The following CPZ variants were observed in gnomAD, a reference collection of about 807,000 sequenced individuals.
The protein encoded by CPZ is carboxypeptidase Z.
Under a neutral mutation model 61.8 loss-of-function variants are expected in CPZ, and 103 were observed. The ratio of observed to expected loss-of-function variants is 1.67; its 90% confidence interval spans 1.42 to 1.96. The LOEUF (loss-of-function observed/expected upper bound fraction) is 1.96, where lower values mean the gene tolerates loss of function less well. CPZ is among the 30% of genes most tolerant of loss of function. The probability of loss-of-function intolerance (pLI) is 0.00; values close to 1 mark genes in which losing one functional copy is unlikely to be tolerated. For missense variants in CPZ, 1,461 were observed against 914.9 expected, an observed-to-expected ratio of 1.60 and a Z score of -7.70; for synonymous variants, 551 against 373.7, an observed-to-expected ratio of 1.47 and a Z score of -5.47.
intron 7 of CPZ, among the ~76,000 whole-genome samples, chr4:8,608,471 C>A (rs1180312981): frequency 6.6e-6 from 1 of 152,202 alleles, no homozygotes. Flanking sequence ...CCCTGGTTGG[C>A]ACTCAGGTAT....
intron 1 of CPZ, among the ~76,000 whole-genome samples, chr4:8,597,965 C>G (rs1206947299): frequency 6.6e-6 from 1 of 152,192 alleles, no homozygotes; most frequent in Non-Finnish European, 1.5e-5. Context: ...TGGGCATCTT[C>G]CCTGCCTTCC....
intron 2 of CPZ, among the ~76,000 whole-genome samples, chr4:8,600,358 C>T (rs1431265185): frequency 1.3e-5 from 2 of 152,174 alleles, no homozygotes; most frequent in Non-Finnish European, 2.9e-5. Context: ...GGCAAAATGT[C>T]ATGACTTGTC....
At chr4:8,612,186 T>TGGGGTGGGG in intron 8 of CPZ, 24 bp downstream of exon 8, 1 of 179,706 alleles carries the variant, frequency 5.6e-6, no homozygotes, top group Non-Finnish European at 7.5e-6. Context: ...AGGGCGGGAC[T>TGGGGTGGGG]GGGCGGGGGG....
chr4:8,619,499 C>G lies in CPZ; in HGVS notation c.1841C>G (p.Thr614Arg). Residue 614 changes from threonine (T) to arginine (R), a missense_variant, in exon 11 of 11, where the codon ACG becomes AGG. Physicochemically the swap from Thr to Arg is moderately conservative, Grantham distance 71 (BLOSUM62 -1). Coordinates refer to ENST00000360986, the MANE Select transcript of CPZ (RefSeq NM_001014447.3). ...LGGASSLGEATEPDPLRARRQ... is the reference protein window; with the variant it reads ...LGGASSLGEAREPDPLRARRQ... ...GGTGCCAGCTCTTTGGGGGAGGCCA[C>G]GGAGCCCGACCCGCTCCGGGCGCGC... 3 of 1,605,912 alleles carry G rather than the reference C, an allele frequency of 1.9e-6. No homozygotes were observed. The highest frequency in any genetic ancestry group is 2.6e-6 in the Non-Finnish European group (3 of 1,174,828).
chr4:8,604,136 C>T lies in CPZ; in HGVS notation c.657C>T (p.Gly219=), dbSNP rs372892049. The change falls in exon 4 of 11, where the codon GGC becomes GGT. Residue 219 remains glycine, a synonymous_variant. Coordinates refer to ENST00000360986, the MANE Select transcript of CPZ (RefSeq NM_001014447.3). ...ACAGCATCGGGCGCAGCTTCGACGG[C>T]AGGGAGCTGCTGGTCATCGAGTTCT... ...RTYSIGRSFD[G]RELLVIEFSS... is the part of the protein sequence containing the mutation. The T allele has an allele frequency of 2.5e-6, 4 of 1,590,532 alleles. No homozygotes were observed. Among genetic ancestry groups the T allele is most frequent in the Non-Finnish European group, 3.4e-6 (4 of 1,168,482 alleles).
chr4:8,611,943 C>T lies in CPZ; in HGVS notation c.1228-84C>T, dbSNP rs530719909. The T allele has an allele frequency of 1.2e-4, 191 of 1,594,096 alleles. 2 individuals are homozygous for T. The South Asian group carries it at 1.5e-3, about 13-fold the overall frequency. ...TATCTGCAATGCAGGTGTTTGCACG[C>T]GCAGCTCCTCCCCTCATTGACCCCA... On this transcript the variant is annotated intron_variant, in intron 7 of 10. Transcript: ENST00000360986.
At chr4:8,603,436 C>G (rs995717175) in intron 3 of CPZ, 1 of 142,212 alleles carries the variant, frequency 7.0e-6, no homozygotes. Flanking sequence ...GCCCCCCTTT[C>G]TGTTTCCTTC....
intron 1 of CPZ, chr4:8,597,674 G>C (rs1714279811): frequency 6.6e-6 from 1 of 152,252 alleles, no homozygotes; most frequent in African/African-American, 2.4e-5. Flanking sequence ...GCCCTTGCCT[G>C]CTGCTCTCCC....
chr4:8,601,377 C>T lies in CPZ; in HGVS notation c.376C>T (p.Arg126Trp), dbSNP rs144771851. 8.7e-5 allele frequency: 139 copies of T among 1,599,970 alleles called. No homozygotes were observed. The highest frequency in any genetic ancestry group is 1.7e-4 in the African/African-American group (13 of 74,688). Residue 126 changes from arginine to tryptophan, a missense_variant, in exon 3 of 11, where the codon CGG (arginine) becomes TGG (tryptophan). Arg to Trp is a moderately radical substitution (Grantham distance 101). Transcript: ENST00000360986. ...RPCRHICEGL[R>W]EVCQPAFDAI... ...CTGCCGGCACATCTGCGAGGGCCTG[C>T]GGGAGGTCTGCCAGCCCGCCTTCGA...
intron 5 of CPZ, among the ~76,000 whole-genome samples, chr4:8,606,522 G>C (rs1162932168): frequency 6.6e-6 from 1 of 152,188 alleles, no homozygotes. Flanking sequence ...CCACTCAGGG[G>C]GAGCAGCCAG....
In CPZ at chr4:8,618,440, C is replaced by T. The variant is rs368747648; in HGVS notation, c.1515C>T (p.Gly505=). The part of the protein sequence containing the change: ...LLNFVETVHR[G]IKGVVTDKFG... Reference sequence around the variant, plus strand: ...CTTGGTCTCTTCAGGTGCACCGGGGCATCAAAGGTGTGGTGACAGATAAAT... The same window carrying T: ...CTTGGTCTCTTCAGGTGCACCGGGGTATCAAAGGTGTGGTGACAGATAAAT... The change falls in exon 10 of 11, where the codon GGC becomes GGT. Residue 505 remains glycine, a synonymous_variant. Coordinates refer to ENST00000360986, the MANE Select transcript of CPZ (RefSeq NM_001014447.3). 6.2e-6 allele frequency: 10 copies of T among 1,609,796 alleles called. No homozygotes were observed. The highest frequency in any genetic ancestry group is 4.5e-5 in the East Asian group (2 of 44,580).
At position 8,599,343 on chromosome 4, in the gene CPZ, A is replaced by G. The variant is rs1026559158; in HGVS notation, c.89-110A>G. ...AGACTCCATGAGATGGAGCTGGCGG[A>G]GGGTGGCCTGGGCTGGTCCCTACCT... On this transcript the variant is annotated intron_variant, in intron 1 of 10. Transcript: ENST00000360986. The G allele has an allele frequency of 5.4e-6, 7 of 1,288,030 alleles. No homozygotes were observed. In the Admixed American group the frequency reaches 1.5e-4, roughly 28 times the overall value. The allele number at this position is 1,288,030 out of a possible 1,614,324, so 79.8% of individuals were successfully genotyped here.
rs1379829587 is a variant in CPZ, at chr4:8,592,818, G to C, written c.-16G>C. 1 of 1,443,746 alleles carries C rather than the reference G, an allele frequency of 6.9e-7. No homozygotes were observed. Among genetic ancestry groups the C allele is most frequent in the African/African-American group, 1.5e-5 (1 of 67,542 alleles). 89.4% of individuals were successfully genotyped at this position (1,443,746 alleles called of 1,614,324 possible). ...CCACATCACTGCGCTGGCCGTCCAA[G>C]GTCCGCCGCCCCACCATGCCGCCCC... is the stretch of plus-strand genomic sequence containing the variant. On this transcript the variant is annotated 5_prime_UTR_variant, in exon 1 of 11. Coordinates refer to ENST00000360986, the MANE Select transcript of CPZ (RefSeq NM_001014447.3).
chr4:8,602,659 G>C (rs946539233), intron 3 of CPZ: 2 of 152,330 alleles, frequency 1.3e-5, no homozygotes, highest in Non-Finnish European at 2.9e-5. Flanking sequence ...CAAGCCCATT[G>C]CGGATGGAGG....
At chr4:8,611,140 C>T (rs1434527379) in intron 7 of CPZ, 2 of 436,506 alleles carry the variant, frequency 4.6e-6, no homozygotes, top group Non-Finnish European at 9.5e-6. Flanking sequence ...CCTCTAGTGT[C>T]CTCCACTCCT....
intron 2 of CPZ, 146 bp from the exon 3 acceptor site, chr4:8,600,977 G>C: frequency 7.1e-7 from 1 of 1,407,150 alleles, no homozygotes; most frequent in Non-Finnish European, 9.2e-7. Context: ...CTGCACAGTA[G>C]CTGTTGTCCT....
chr4:8,608,999 C>T (rs1393344333), intron 7 of CPZ, among the ~76,000 whole-genome samples: 1 of 100,566 alleles, frequency 9.9e-6, no homozygotes, highest in Non-Finnish European at 2.0e-5. Flanking sequence ...TTCACTCTTT[C>T]ACTTGTTCAT....
At position 8,618,433 on chromosome 4, in the gene CPZ, A is replaced by G; in HGVS notation, c.1508A>G (p.His503Arg). Residue 503 changes from histidine (H) to arginine (R), a missense_variant, in exon 10 of 11, where the codon CAC becomes CGC. Transcript: ENST00000360986. ...ESLLNFVETV[H>R]RGIKGVVTDK... ...GCCTCCCCTTGGTCTCTTCAGGTGC[A>G]CCGGGGCATCAAAGGTGTGGTGACA... The G allele has an allele frequency of 6.2e-7, 1 of 1,613,834 alleles. No homozygotes were observed. The highest frequency in any genetic ancestry group is 8.5e-7 in the Non-Finnish European group (1 of 1,179,896).
At chr4:8,595,653 C>T (rs1208407663) in intron 1 of CPZ, among the ~76,000 whole-genome samples, 1 of 152,240 alleles carries the variant, frequency 6.6e-6, no homozygotes, top group Non-Finnish European at 1.5e-5. Flanking sequence ...CAGCAGCACC[C>T]ACTGGGGCTT....
Sources: allele counts gnomAD v4.1 joint callset (sites outside exome capture counted in the v4.1 genomes callset), GRCh38; gene constraint gnomAD v4.1.1; transcripts MANE v1.5; gene names NCBI Gene and HGNC (gene_info 2026-07-23, HGNC 2026-07-21).